CLSTN2: variants seen among roughly 807,000 people sequenced by gnomAD.
CLSTN2 encodes the protein calsyntenin 2, also known as calsyntenin-2.
A neutral mutation model predicts 101.2 loss-of-function variants in CLSTN2; 48 were observed. The observed-to-expected ratio is 0.47, with a 90% CI of 0.38 to 0.60. The LOEUF (loss-of-function observed/expected upper bound fraction) is 0.60. Among genes scored for constraint, CLSTN2 ranks in the 20% least tolerant of loss-of-function variants. The pLI, the probability that CLSTN2 is intolerant of heterozygous loss-of-function variation, is 0.00. For missense variants in CLSTN2, 1,160 were observed against 1,238.2 expected (o/e 0.94, Z 0.95); for synonymous variants, 481 against 463.6 (o/e 1.04, Z -0.48).
intron 1 of CLSTN2, among the ~76,000 whole-genome samples, chr3:140,051,982 C>T (rs2008005561): frequency 6.6e-6 from 1 of 152,080 alleles, no homozygotes; most frequent in Admixed American, 6.5e-5. Flanking sequence ...GTCTGGGAAC[C>T]CCACTTTGAG....
intron 2 of CLSTN2, among the ~76,000 whole-genome samples, chr3:140,380,409 C>G (rs1047231640): frequency 6.6e-6 from 1 of 152,178 alleles, no homozygotes; most frequent in Non-Finnish European, 1.5e-5. Context: ...CAGATTGTCT[C>G]CCTCAGGGGA....
chr3:140,391,045 G>A (rs2088108353), intron 2 of CLSTN2, among the ~76,000 whole-genome samples: 1 of 152,208 alleles, frequency 6.6e-6, no homozygotes, highest in African/African-American at 2.4e-5. Context: ...AAGGCTGGCA[G>A]TCTGTCCCCA....
At chr3:140,481,327 C>G (rs1254151523) in intron 8 of CLSTN2, among the ~76,000 whole-genome samples, 2 of 152,180 alleles carry the variant, frequency 1.3e-5, no homozygotes, top group East Asian at 3.8e-4. Flanking sequence ...GGTACCAGTA[C>G]CATGCTATTT....
chr3:140,066,612 T>C (rs2008303831), intron 1 of CLSTN2, among the ~76,000 whole-genome samples: 1 of 152,212 alleles, frequency 6.6e-6, no homozygotes, highest in Non-Finnish European at 1.5e-5. Flanking sequence ...GAGAGGCTGC[T>C]GCATGTCAAG....
At chr3:139,944,168 C>A (rs187055270) in intron 1 of CLSTN2, among the ~76,000 whole-genome samples, 90 of 152,290 alleles carry the variant, frequency 5.9e-4, no homozygotes, top group African/African-American at 1.5e-3. Context: ...TCTTATTATC[C>A]CCTTTACAGA....
intron 1 of CLSTN2, among the ~76,000 whole-genome samples, chr3:140,136,348 C>G (rs973505427): frequency 6.6e-6 from 1 of 152,184 alleles, no homozygotes. Flanking sequence ...GTTACTTAAG[C>G]TTTCTGAACT....
intron 1 of CLSTN2, among the ~76,000 whole-genome samples, chr3:139,996,521 G>C (rs1356650249): frequency 1.3e-5 from 2 of 151,960 alleles, no homozygotes; most frequent in East Asian, 3.9e-4. Context: ...CAAGTAGCCG[G>C]GACTACAGGT....
chr3:140,320,654 A>G (rs1380087340), intron 2 of CLSTN2, among the ~76,000 whole-genome samples: 3 of 151,568 alleles, frequency 2.0e-5, no homozygotes, highest in Non-Finnish European at 2.9e-5. Flanking sequence ...ATTGTATTAT[A>G]TGTATTTATA....
chr3:140,086,238 A>T (rs1316806), intron 1 of CLSTN2, among the ~76,000 whole-genome samples: 15,582 of 152,234 alleles, frequency 0.1, 1,244 homozygotes, highest in East Asian at 0.27. Context: ...GGTGATAACG[A>T]ATGCTGGGGT....
Position 140,552,749 on chromosome 3 carries a change from C to T in CLSTN2, c.1675-3764C>T, listed in dbSNP as rs72980107. Reference sequence around the variant, plus strand: ...CATGCTTTCGATGTGCTAGACCCTGCAGTGATGCTGAGGAAAAGTCAGTAG... The same window carrying T: ...CATGCTTTCGATGTGCTAGACCCTGTAGTGATGCTGAGGAAAAGTCAGTAG... On this transcript the variant is annotated intron_variant, in intron 10 of 16. Coordinates refer to ENST00000458420, the MANE Select transcript of CLSTN2 (RefSeq NM_022131.3). Among the ~76,000 whole-genome samples the T allele has an allele frequency of 6.5e-3, 987 of 152,252 alleles. 10 individuals are homozygous for T. Among genetic ancestry groups the T allele is most frequent in the African/African-American group, 0.022 (933 of 41,538 alleles).
chr3:140,156,128 G>C (rs1043539495), intron 1 of CLSTN2, among the ~76,000 whole-genome samples: 8 of 152,164 alleles, frequency 5.3e-5, no homozygotes, highest in African/African-American at 1.9e-4. Flanking sequence ...GACAGGGATA[G>C]CAAATAAGTT....
intron 1 of CLSTN2, among the ~76,000 whole-genome samples, chr3:139,968,384 G>A (rs988389413): frequency 2.0e-5 from 3 of 152,174 alleles, no homozygotes; most frequent in Admixed American, 1.3e-4. Context: ...TAAACATGAT[G>A]ATCCTCATGG....
chr3:140,418,453 A>T (rs2088454483), intron 4 of CLSTN2, among the ~76,000 whole-genome samples: 1 of 151,878 alleles, frequency 6.6e-6, no homozygotes, highest in African/African-American at 2.4e-5. Flanking sequence ...GTATTGTTAG[A>T]AGTAGTCCAG....
intron 6 of CLSTN2, chr3:140,449,891 G>C (rs1933200003): frequency 6.6e-6 from 1 of 152,368 alleles, no homozygotes; most frequent in African/African-American, 2.4e-5. Flanking sequence ...GCTGCCCACA[G>C]CAGAGAAGAG....
intron 9 of CLSTN2, among the ~76,000 whole-genome samples, chr3:140,539,345 T>C (rs1023070832): frequency 1.3e-5 from 2 of 152,116 alleles, no homozygotes; most frequent in Non-Finnish European, 2.9e-5. Flanking sequence ...GAAAAAATTG[T>C]TTTAGGTCCT....
chr3:139,998,970 T>C (rs1346625782), intron 1 of CLSTN2, among the ~76,000 whole-genome samples: 1 of 149,506 alleles, frequency 6.7e-6, no homozygotes, highest in East Asian at 2.0e-4. Context: ...CAGACTCAGC[T>C]TTCCTCTTCT....
chr3:140,144,955 C>T (rs1458872192), intron 1 of CLSTN2, among the ~76,000 whole-genome samples: 1 of 152,234 alleles, frequency 6.6e-6, no homozygotes, highest in Non-Finnish European at 1.5e-5. Context: ...AAGAGGCTCT[C>T]ACCTCTGATT....
chr3:140,410,535 C>A (rs1171902788), intron 4 of CLSTN2, among the ~76,000 whole-genome samples: 1 of 151,918 alleles, frequency 6.6e-6, no homozygotes, highest in African/African-American at 2.4e-5. Context: ...CACCACTAGA[C>A]CTGCCTTACA....
intron 10 of CLSTN2, among the ~76,000 whole-genome samples, chr3:140,549,865 T>C (rs1935672808): frequency 6.6e-6 from 1 of 150,990 alleles, no homozygotes; most frequent in Non-Finnish European, 1.5e-5. Flanking sequence ...GACAAGCCCA[T>C]GTTTCTTGCT....
Sources: gnomAD v4.1 joint callset for allele counts (sites outside exome capture counted in the v4.1 genomes callset) on GRCh38, gnomAD v4.1.1 for gene constraint, MANE v1.5 for transcripts, NCBI Gene and HGNC (gene_info 2026-07-23, HGNC 2026-07-21) for gene names.